Variants in DPP10 observed in about 807,000 individuals in gnomAD.
DPP10 encodes the protein inactive dipeptidyl peptidase 10.
A neutral mutation model predicts 120.9 loss-of-function variants in DPP10; 33 were observed. The ratio of observed to expected loss-of-function variants is 0.27; its 90% confidence interval spans 0.21 to 0.37. The LOEUF (loss-of-function observed/expected upper bound fraction) is 0.37. Ranked by LOEUF, DPP10 falls within the 10% of genes least tolerant of loss-of-function variation. The probability of loss-of-function intolerance (pLI) is 1.00; values close to 1 mark genes in which losing one functional copy is unlikely to be tolerated. For synonymous variants in DPP10, 337 were observed against 326.1 expected (o/e 1.03, Z -0.36); for missense variants, 816 against 942.8 (o/e 0.87, Z 1.76).
intron 7 of DPP10, among the ~76,000 whole-genome samples, chr2:115,704,782 C>A (rs1396137732): frequency 1.3e-5 from 2 of 151,828 alleles, no homozygotes; most frequent in Admixed American, 1.3e-4. Context: ...AACCATATAT[C>A]AATATAACAA....
At chr2:114,477,930 C>CAT (rs1213627386) in intron 1 of DPP10, among the ~76,000 whole-genome samples, 50 of 134,390 alleles carry the variant, frequency 3.7e-4, no homozygotes, top group African/African-American at 1.3e-3. Flanking sequence ...TATATATGTA[C>CAT]ATATGTGTAT....
At chr2:115,501,648 C>G (rs928450417) in intron 4 of DPP10, among the ~76,000 whole-genome samples, 6 of 151,914 alleles carry the variant, frequency 3.9e-5, no homozygotes, top group Admixed American at 2.6e-4. Context: ...TGTCTAAATT[C>G]GATGTCGGGC....
intron 1 of DPP10, among the ~76,000 whole-genome samples, chr2:114,890,507 G>A (rs1326019897): frequency 6.6e-6 from 1 of 152,120 alleles, no homozygotes; most frequent in Non-Finnish European, 1.5e-5. Flanking sequence ...TATTTGCATT[G>A]GATCCACAAA....
intron 5 of DPP10, among the ~76,000 whole-genome samples, chr2:115,676,503 TA>T (rs1254693471): frequency 6.6e-6 from 1 of 151,984 alleles, no homozygotes; most frequent in Non-Finnish European, 1.5e-5. Context: ...ATAGCTGTAT[TA>T]AAAAAGAACC....
chr2:114,986,491 T>C (rs1191431778), intron 1 of DPP10, among the ~76,000 whole-genome samples: 5 of 152,186 alleles, frequency 3.3e-5, no homozygotes, highest in Non-Finnish European at 2.9e-5. Context: ...CTTCTGGATA[T>C]AACTATGTAG....
chr2:114,793,031 T>TGTGTGTGTGTG (rs1683385614), intron 1 of DPP10, among the ~76,000 whole-genome samples: 1 of 149,982 alleles, frequency 6.7e-6, no homozygotes, highest in African/African-American at 2.4e-5. Context: ...TGTGTGTGTG[T>TGTGTGTGTGTG]TTCTATTAAT....
At chr2:115,105,422 T>TGA (rs10565038) in intron 1 of DPP10, among the ~76,000 whole-genome samples, 13,342 of 146,086 alleles carry the variant, frequency 0.091, 650 homozygotes, top group East Asian at 0.15. Flanking sequence ...TGTCACATGG[T>TGA]GAGAGAGAGA....
At chr2:114,863,158 T>C (rs1253258545) in intron 1 of DPP10, among the ~76,000 whole-genome samples, 3 of 152,190 alleles carry the variant, frequency 2.0e-5, no homozygotes, top group African/African-American at 7.2e-5. Context: ...CAGTGCTCTA[T>C]GTGTCCCCTT....
In DPP10 at chr2:115,678,522, G is replaced by A. The variant is rs374158350; in HGVS notation, c.442-11165G>A. On this transcript the variant is annotated intron_variant, in intron 5 of 25. Coordinates refer to ENST00000410059, the MANE Select transcript of DPP10 (RefSeq NM_020868.6). ...AACCTCTGCCTAGATTTCAGAGGATGTATGGGAACACCTGGATGTCCAGCA... is the reference window on the plus strand; with the variant it reads ...AACCTCTGCCTAGATTTCAGAGGATATATGGGAACACCTGGATGTCCAGCA... Among the ~76,000 whole-genome samples, 9 of 152,262 alleles carry A rather than the reference G, an allele frequency of 5.9e-5. No homozygotes were observed. In the South Asian group the frequency reaches 1.9e-3, roughly 32 times the overall value.
At chr2:114,873,279 A>G (rs945266374) in intron 1 of DPP10, among the ~76,000 whole-genome samples, 5 of 152,176 alleles carry the variant, frequency 3.3e-5, no homozygotes, top group Non-Finnish European at 7.4e-5. Flanking sequence ...CACCGTAACT[A>G]GATGAATTGA....
chr2:114,896,284 G>A (rs1008543654), intron 1 of DPP10, among the ~76,000 whole-genome samples: 2 of 152,158 alleles, frequency 1.3e-5, no homozygotes, highest in African/African-American at 2.4e-5. Flanking sequence ...GTCATTGGTA[G>A]CTTTATGGGG....
At chr2:114,916,588 A>C (rs1694821480) in intron 1 of DPP10, among the ~76,000 whole-genome samples, 1 of 152,170 alleles carries the variant, frequency 6.6e-6, no homozygotes, top group Non-Finnish European at 1.5e-5. Context: ...AAATACAAGA[A>C]AATCAACTGG....
chr2:114,676,787 G>A (rs1698700083), intron 1 of DPP10, among the ~76,000 whole-genome samples: 1 of 151,998 alleles, frequency 6.6e-6, no homozygotes, highest in African/African-American at 2.4e-5. Context: ...GTATTAATAT[G>A]TATTCTTTCC....
intron 1 of DPP10, among the ~76,000 whole-genome samples, chr2:114,487,609 A>G (rs924182375): frequency 1.3e-5 from 2 of 152,186 alleles, no homozygotes; most frequent in Non-Finnish European, 2.9e-5. Context: ...TTTAAATTTT[A>G]AAGGCCTACA....
intron 1 of DPP10, among the ~76,000 whole-genome samples, chr2:114,552,146 T>C (rs1687934106): frequency 6.6e-6 from 1 of 152,206 alleles, no homozygotes; most frequent in South Asian, 2.1e-4. Flanking sequence ...CCCAGCTTTT[T>C]CAGCTGTTAG....
intron 1 of DPP10, among the ~76,000 whole-genome samples, chr2:114,650,213 G>T (rs570457295): frequency 3.5e-4 from 53 of 152,204 alleles, no homozygotes; most frequent in Admixed American, 2.0e-3. Flanking sequence ...AGCACACGAT[G>T]TGAGAACAAG....
rs959838819 is a variant in DPP10, at chr2:115,811,617, C to T, written c.1701-3176C>T. Among the ~76,000 whole-genome samples the T allele has an allele frequency of 3.5e-4, 53 of 152,182 alleles. 1 individual carries two copies. Among genetic ancestry groups the T allele is most frequent in the African/African-American group, 1.1e-3 (44 of 41,460 alleles). On this transcript the variant is annotated intron_variant, in intron 19 of 25. Coordinates refer to ENST00000410059, the MANE Select transcript of DPP10 (RefSeq NM_020868.6). The stretch of plus-strand genomic sequence containing the variant: ...TCATACGTAGATTGGAAAGTTATAT[C>T]TTTTAAATAAACAAAACATCTTATG...
chr2:115,371,878 A>T (rs909428808), intron 3 of DPP10, among the ~76,000 whole-genome samples: 3 of 152,158 alleles, frequency 2.0e-5, no homozygotes, highest in African/African-American at 7.2e-5. Context: ...TGATACTTTC[A>T]TAAATGTCTT....
In DPP10 at chr2:115,334,881, C is replaced by G. The variant is rs555433722; in HGVS notation, c.176-8936C>G. Among the ~76,000 whole-genome samples, 108 of 151,042 alleles carry G rather than the reference C, an allele frequency of 7.2e-4. 1 individual carries two copies. Among genetic ancestry groups the G allele is most frequent in the African/African-American group, 2.4e-3 (101 of 41,274 alleles). ...TGTAAAACACAAAACAAAACATAAC[C>G]CAAAAAATCTATGCAAAATATACCA... On this transcript the variant is annotated intron_variant, in intron 2 of 25. Transcript: ENST00000410059.
Sources: gnomAD v4.1 joint callset for allele counts (sites outside exome capture counted in the v4.1 genomes callset) on GRCh38, gnomAD v4.1.1 for gene constraint, MANE v1.5 for transcripts, NCBI Gene and HGNC (gene_info 2026-07-23, HGNC 2026-07-21) for gene names.